ELAVL2: variants seen among roughly 807,000 people sequenced by gnomAD.
The protein encoded by ELAVL2 is ELAV like RNA binding protein 2, also known as ELAV-like protein 2.
Under a neutral mutation model 34.6 loss-of-function variants are expected in ELAVL2, and 4 were observed. That is an observed-to-expected ratio of 0.12 (90% CI 0.06 to 0.26). The LOEUF (loss-of-function observed/expected upper bound fraction) is 0.26. Among genes scored for constraint, ELAVL2 ranks in the 10% least tolerant of loss-of-function variants. The probability of loss-of-function intolerance (pLI) is 1.00; values close to 1 mark genes in which losing one functional copy is unlikely to be tolerated. For synonymous variants in ELAVL2, 193 were observed against 154.8 expected (o/e 1.25, Z -1.83); for missense variants, 432 against 442.8 (o/e 0.98, Z 0.22).
At position 23,774,027 on chromosome 9, in the gene ELAVL2, C is replaced by T. The variant is rs550122368; in HGVS notation, c.-15-11778G>A. Among the ~76,000 whole-genome samples, 27 of 151,746 alleles carry T rather than the reference C, an allele frequency of 1.8e-4. No individual in the cohort carries two copies. In the South Asian group the frequency reaches 5.4e-3, roughly 31 times the overall value. Reference sequence around the variant, plus strand: ...GATATCGAGACCACCCTGGCTAACACGGTGAAACCCCATCTCTATTAAAAA... The same window carrying T: ...GATATCGAGACCACCCTGGCTAACATGGTGAAACCCCATCTCTATTAAAAA... On this transcript the variant is annotated intron_variant, in intron 1 of 6. Transcript: ENST00000397312.
chr9:23,701,456 C>A lies in ELAVL2; in HGVS notation c.636G>T (p.Gln212His). ...ACTGGTACAGCTGGGAAAGGATGGC[C>A]TGATTGGTTTTTTGGCTTGGGTTAT... Reference protein sequence around the residue: ...FANNPSQKTNQAILSQLYQSP... With the variant: ...FANNPSQKTNHAILSQLYQSP... The change falls in exon 5 of 7, where the codon CAG becomes CAT. Residue 212 changes from glutamine (Q) to histidine (H), a missense_variant. Gln to His is a conservative substitution (Grantham distance 24). This residue lies in a region of ELAVL2 where 295 missense variants were observed against 306.1 expected (regional missense o/e 0.96). Transcript: ENST00000397312. The A allele has an allele frequency of 6.2e-7, 1 of 1,614,078 alleles. No individual in the cohort carries two copies. Among genetic ancestry groups the A allele is most frequent in the African/African-American group, 1.3e-5 (1 of 75,024 alleles).
chr9:23,754,816 T>C (rs1300385808), intron 2 of ELAVL2, among the ~76,000 whole-genome samples: 1 of 152,186 alleles, frequency 6.6e-6, no homozygotes, highest in Non-Finnish European at 1.5e-5. Context: ...AGATGCAAGA[T>C]GAGTTCTCTG....
rs529313055 is a variant in ELAVL2, at chr9:23,731,825, A to G, written c.230-700T>C. Reference sequence around the variant, plus strand: ...GAAATAGAACATAAACAAAAATAACAGGAGAAAAAAAGTCTAGAGTAAAAG... The same window carrying G: ...GAAATAGAACATAAACAAAAATAACGGGAGAAAAAAAGTCTAGAGTAAAAG... On this transcript the variant is annotated intron_variant, in intron 2 of 6. Transcript: ENST00000397312. Among the ~76,000 whole-genome samples the G allele has an allele frequency of 5.3e-5, 8 of 152,246 alleles. No individual in the cohort carries two copies. In the South Asian group the frequency reaches 1.5e-3, roughly 28 times the overall value.
In ELAVL2 at chr9:23,742,383, G is replaced by A. The variant is rs1331792629; in HGVS notation, c.230-11258C>T. On this transcript the variant is annotated intron_variant, in intron 2 of 6. Coordinates refer to ENST00000397312, the MANE Select transcript of ELAVL2 (RefSeq NM_004432.5). ...GTGTTAACAAACCTTATTTTTAACTGAGTAGCAACTGCAAAATTACACATG... is the reference window on the plus strand; with the variant it reads ...GTGTTAACAAACCTTATTTTTAACTAAGTAGCAACTGCAAAATTACACATG... Among the ~76,000 whole-genome samples, 5 of 152,296 alleles carry A rather than the reference G, an allele frequency of 3.3e-5. No individual in the cohort carries two copies. In the East Asian group the frequency reaches 9.7e-4, roughly 29 times the overall value.
chr9:23,801,869 A>G (rs572791014), intron 1 of ELAVL2, among the ~76,000 whole-genome samples: 1 of 152,262 alleles, frequency 6.6e-6, no homozygotes, highest in South Asian at 2.1e-4. Context: ...GTTTTCTTCT[A>G]ACAAGCGCTG....
At chr9:23,823,821 A>G (rs2065108526) in intron 1 of ELAVL2, among the ~76,000 whole-genome samples, 1 of 152,156 alleles carries the variant, frequency 6.6e-6, no homozygotes, top group Non-Finnish European at 1.5e-5. Flanking sequence ...TTTAGTTACT[A>G]TTGTCTGCTG....
the ELAVL2 span, among the ~76,000 whole-genome samples, chr9:23,831,802 T>TA: frequency 0.011 from 1,555 of 146,442 alleles, 13 homozygotes; most frequent in African/African-American, 0.016. Context: ...GAATATTGTT[T>TA]AAAAAAAAAA....
At chr9:23,693,381 TC>T (rs1224656999) in intron 6 of ELAVL2, 66 bp downstream of exon 6, 49 of 1,588,312 alleles carry the variant, frequency 3.1e-5, no homozygotes, top group Non-Finnish European at 3.9e-5. Context: ...TGAATAGCAC[TC>T]CCAAAATCAA....
At chr9:23,793,568 G>A (rs1054197217) in intron 1 of ELAVL2, among the ~76,000 whole-genome samples, 5 of 151,872 alleles carry the variant, frequency 3.3e-5, no homozygotes, top group African/African-American at 9.7e-5. Flanking sequence ...AATTTTCAAC[G>A]ATCCCCTCCC....
intron 4 of ELAVL2, among the ~76,000 whole-genome samples, chr9:23,703,058 C>T (rs1485434588): frequency 6.7e-6 from 1 of 148,640 alleles, no homozygotes; most frequent in African/African-American, 2.5e-5. Flanking sequence ...CTGTGGCTCA[C>T]CCTCAGAGAT....
chr9:23,762,100 G>A lies in ELAVL2; in HGVS notation c.135C>T (p.Tyr45=), dbSNP rs2055153941. ...EDSKTNLIVN[Y]LPQNMTQEEL... is the part of the protein sequence containing the mutation. ...CCTCCTGTGTCATGTTCTGAGGAAGGTAGTTGACTATTAAGTTGGTCTTGC... is the reference window on the plus strand; with the variant it reads ...CCTCCTGTGTCATGTTCTGAGGAAGATAGTTGACTATTAAGTTGGTCTTGC... Residue 45 remains tyrosine, a synonymous_variant, in exon 2 of 7, where the codon TAC becomes TAT. Coordinates refer to ENST00000397312, the MANE Select transcript of ELAVL2 (RefSeq NM_004432.5). The A allele has an allele frequency of 6.2e-7, 1 of 1,613,538 alleles. No homozygotes were observed.
chr9:23,725,392 A>G (rs1156566948), intron 3 of ELAVL2, among the ~76,000 whole-genome samples: 1 of 152,142 alleles, frequency 6.6e-6, no homozygotes, highest in East Asian at 1.9e-4. Context: ...TACTAAAGTC[A>G]TGAACTCCCA....
At chr9:23,844,554 G>C in the ELAVL2 span, among the ~76,000 whole-genome samples, 2 of 151,958 alleles carry the variant, frequency 1.3e-5, no homozygotes, top group Non-Finnish European at 2.9e-5. Flanking sequence ...GATCGTGGTA[G>C]TATTTTAGAT....
intron 4 of ELAVL2, among the ~76,000 whole-genome samples, chr9:23,703,298 A>T (rs554217447): frequency 6.6e-6 from 1 of 152,244 alleles, no homozygotes; most frequent in African/African-American, 2.4e-5. Flanking sequence ...CACAAATGAA[A>T]TAAAAAATAT....
Position 23,739,811 on chromosome 9 carries a change from C to G in ELAVL2, c.230-8686G>C, listed in dbSNP as rs548166222. On this transcript the variant is annotated intron_variant, in intron 2 of 6. Coordinates refer to ENST00000397312, the MANE Select transcript of ELAVL2 (RefSeq NM_004432.5). ...CACACACACACGCACACACCCCCCC[C>G]ACTAAGCAGTCCATCAAGAGGCAGT... 1.2e-4 allele frequency among the ~76,000 whole-genome samples: 18 copies of G among 152,136 alleles called. No homozygotes were observed. The East Asian group carries it at 2.9e-3, about 25-fold the overall frequency.
At chr9:23,845,298 A>G in the ELAVL2 span, among the ~76,000 whole-genome samples, 1 of 151,810 alleles carries the variant, frequency 6.6e-6, no homozygotes, top group East Asian at 1.9e-4. Context: ...ATGAATTTGA[A>G]TGGAAAGAAA....
At chr9:23,796,131 A>T (rs1295310001) in intron 1 of ELAVL2, among the ~76,000 whole-genome samples, 3 of 152,236 alleles carry the variant, frequency 2.0e-5, no homozygotes, top group Non-Finnish European at 2.9e-5. Flanking sequence ...ACCAAAAGAC[A>T]AATGATGAAC....
intron 3 of ELAVL2, 86 bp downstream of exon 3, chr9:23,730,936 A>C (rs2046372150): frequency 2.3e-6 from 3 of 1,298,210 alleles, no homozygotes; most frequent in Non-Finnish European, 3.2e-6. Flanking sequence ...ATGGGCCCAA[A>C]AGGAAGAAAG....
chr9:23,831,454 G>A, the ELAVL2 span: 1 of 152,288 alleles, frequency 6.6e-6, no homozygotes, highest in African/African-American at 2.4e-5. Flanking sequence ...TGCCGGCACC[G>A]GGCCACGGTG....
Sources: allele counts gnomAD v4.1 joint callset (sites outside exome capture counted in the v4.1 genomes callset), GRCh38; gene constraint gnomAD v4.1.1; regional missense constraint gnomAD v4.1.1; transcripts MANE v1.5; gene names NCBI Gene and HGNC (gene_info 2026-07-23, HGNC 2026-07-21).